AGBL1: variants seen among roughly 807,000 people sequenced by gnomAD.
The protein encoded by AGBL1 is cytosolic carboxypeptidase 4.
Under a neutral mutation model 118.9 loss-of-function variants are expected in AGBL1, and 130 were observed. That is an observed-to-expected ratio of 1.09 (90% confidence interval 0.95 to 1.26). The LOEUF is 1.26. AGBL1 is among the 50% of genes most tolerant of loss of function. The pLI, the probability that AGBL1 is intolerant of heterozygous loss-of-function variation, is 0.00. For synonymous variants in AGBL1, 555 were observed against 478.9 expected, an observed-to-expected ratio of 1.16 and a Z score of -2.08; for missense variants, 1,584 against 1,298.1, an observed-to-expected ratio of 1.22 and a Z score of -3.38.
intron 22 of AGBL1, among the ~76,000 whole-genome samples, chr15:86,807,973 G>A (rs1310738195): frequency 2.0e-5 from 3 of 152,102 alleles, no homozygotes; most frequent in Non-Finnish European, 4.4e-5. Context: ...TGGGCAAGCT[G>A]TGGAACATTT....
chr15:86,419,984 C>T (rs577290130), intron 18 of AGBL1, among the ~76,000 whole-genome samples: 1 of 152,210 alleles, frequency 6.6e-6, no homozygotes, highest in Admixed American at 6.5e-5. Flanking sequence ...ATAAATAAAA[C>T]TCCCATCTCC....
chr15:86,404,648 C>G (rs966561327), intron 18 of AGBL1, among the ~76,000 whole-genome samples: 9 of 152,170 alleles, frequency 5.9e-5, no homozygotes, highest in Admixed American at 5.9e-4. Flanking sequence ...ATGGAAGATA[C>G]TCTCTGAGAT....
rs2077939226 is a variant in AGBL1, at chr15:86,203,425, A to G, written c.489-21489A>G. 3.9e-5 allele frequency among the ~76,000 whole-genome samples: 6 copies of G among 152,222 alleles called. No individual in the cohort carries two copies. In the South Asian group the frequency reaches 1.2e-3, roughly 31 times the overall value. On this transcript the variant is annotated intron_variant, in intron 5 of 22. Transcript: ENST00000614907. ...CTAGTTTCTAAGGTCATTGTTTCTG[A>G]AACTGGCAACCTAAATATTGTTTGT... is the stretch of plus-strand genomic sequence containing the variant.
chr15:86,312,167 T>G (rs1008856274), intron 17 of AGBL1: 2 of 152,222 alleles, frequency 1.3e-5, no homozygotes, highest in Non-Finnish European at 2.9e-5. Flanking sequence ...ATGCTGAGAT[T>G]GTATTGTACT....
At chr15:86,701,124 G>C (rs536015576) in intron 22 of AGBL1, among the ~76,000 whole-genome samples, 19 of 152,124 alleles carry the variant, frequency 1.2e-4, no homozygotes, top group Non-Finnish European at 2.5e-4. Context: ...TATCCACAGT[G>C]CTTTTTAATT....
chr15:86,552,637 C>T (rs1224796497), intron 20 of AGBL1, among the ~76,000 whole-genome samples: 1 of 152,162 alleles, frequency 6.6e-6, no homozygotes, highest in Non-Finnish European at 1.5e-5. Flanking sequence ...AGACACAGAC[C>T]TGCCCTCATG....
intron 23 of AGBL1, among the ~76,000 whole-genome samples, chr15:86,946,949 A>G (rs963438944): frequency 7.2e-5 from 11 of 151,846 alleles, no homozygotes; most frequent in African/African-American, 2.7e-4. Flanking sequence ...TCCCCTGCCC[A>G]TTACTCAGAA....
At chr15:86,322,125 G>A (rs1412826674) in intron 17 of AGBL1, among the ~76,000 whole-genome samples, 2 of 150,514 alleles carry the variant, frequency 1.3e-5, no homozygotes, top group Non-Finnish European at 3.0e-5. Context: ...GTACTTTCCA[G>A]CTATTGGGTG....
intron 7 of AGBL1, among the ~76,000 whole-genome samples, chr15:86,249,216 T>C (rs2078769241): frequency 6.6e-6 from 1 of 152,136 alleles, no homozygotes; most frequent in Non-Finnish European, 1.5e-5. Flanking sequence ...TGCACACACA[T>C]TATGTTCCTA....
At chr15:86,959,755 A>G (rs1417782180) in intron 23 of AGBL1, among the ~76,000 whole-genome samples, 1 of 151,898 alleles carries the variant, frequency 6.6e-6, no homozygotes, top group Non-Finnish European at 1.5e-5. Flanking sequence ...ATTTGCTTCA[A>G]TACCCTTTCA....
chr15:86,585,383 GTTTTCTT>G (rs912443190), intron 21 of AGBL1, among the ~76,000 whole-genome samples: 115 of 126,976 alleles, frequency 9.1e-4, no homozygotes, highest in African/African-American at 3.0e-3. Flanking sequence ...TCCTTTTATT[GTTTTCTT>G]TTTATGTATT....
At chr15:86,500,957 C>A (rs999959340) in intron 18 of AGBL1, among the ~76,000 whole-genome samples, 1 of 151,656 alleles carries the variant, frequency 6.6e-6, no homozygotes, top group Non-Finnish European at 1.5e-5. Context: ...CTGCTATAAA[C>A]ATCCATGTGC....
intron 22 of AGBL1, among the ~76,000 whole-genome samples, chr15:86,828,250 C>T (rs183512308): frequency 1.4e-4 from 22 of 151,880 alleles, no homozygotes; most frequent in African/African-American, 3.4e-4. Context: ...GCCTGTCGTA[C>T]GACTTTTTTA....
chr15:86,997,722 C>T (rs148553980), intron 24 of AGBL1, among the ~76,000 whole-genome samples: 1 of 152,184 alleles, frequency 6.6e-6, no homozygotes, highest in East Asian at 1.9e-4. Flanking sequence ...AGCCATTAAG[C>T]ATGTTTGTAA....
intron 17 of AGBL1, among the ~76,000 whole-genome samples, chr15:86,373,761 G>T (rs1032568638): frequency 5.9e-5 from 9 of 152,186 alleles, no homozygotes; most frequent in Admixed American, 5.2e-4. Flanking sequence ...CATTCGGTCT[G>T]GGTTCAAGTT....
chr15:87,009,709 C>T (rs2081538931), intron 24 of AGBL1, among the ~76,000 whole-genome samples: 1 of 152,190 alleles, frequency 6.6e-6, no homozygotes, highest in Non-Finnish European at 1.5e-5. Context: ...CAGAGCTCCC[C>T]AAGGCCATGG....
chr15:86,474,500 A>C (rs1207847614), intron 18 of AGBL1, among the ~76,000 whole-genome samples: 2 of 152,218 alleles, frequency 1.3e-5, no homozygotes, highest in African/African-American at 4.8e-5. Flanking sequence ...TCTGAGATCG[A>C]ACTGCAAGGC....
chr15:86,161,528 T>C (rs2077267179), intron 5 of AGBL1, among the ~76,000 whole-genome samples: 1 of 152,224 alleles, frequency 6.6e-6, no homozygotes, highest in Admixed American at 6.5e-5. Context: ...GCGTATCTTA[T>C]ACAGTCTATT....
chr15:86,346,346 T>C (rs1315400418), intron 17 of AGBL1, among the ~76,000 whole-genome samples: 1 of 150,992 alleles, frequency 6.6e-6, no homozygotes, highest in Non-Finnish European at 1.5e-5. Flanking sequence ...TTCTTTTCTT[T>C]TCTTTTTCTT....
Sources: gnomAD v4.1 joint callset for allele counts (sites outside exome capture counted in the v4.1 genomes callset) on GRCh38, gnomAD v4.1.1 for gene constraint, MANE v1.5 for transcripts, NCBI Gene and HGNC (gene_info 2026-07-23, HGNC 2026-07-21) for gene names.